EXOC4: variants seen among roughly 807,000 people sequenced by gnomAD.
EXOC4 encodes exocyst complex component 4, also known as SEC8-like 1.
In EXOC4, 71 loss-of-function variants were observed where a neutral mutation model predicts 107.2. The ratio of observed to expected loss-of-function variants is 0.66; its 90% CI spans 0.55 to 0.81. The LOEUF (loss-of-function observed/expected upper bound fraction) is 0.81. EXOC4 is among the 30% of genes least tolerant of loss of function. EXOC4 has a pLI of 0.00. For synonymous variants in EXOC4, 456 were observed against 441.2 expected (o/e 1.03, Z -0.42); for missense variants, 1,108 against 1,189.6 (o/e 0.93, Z 1.01).
chr7:133,573,938 A>G (rs956339503), intron 9 of EXOC4, among the ~76,000 whole-genome samples: 1 of 152,232 alleles, frequency 6.6e-6, no homozygotes, highest in African/African-American at 2.4e-5. Context: ...GTGTAGAGAG[A>G]TTCTTCAGCT....
At chr7:133,932,431 T>C (rs1002511622) in intron 13 of EXOC4, among the ~76,000 whole-genome samples, 5 of 152,186 alleles carry the variant, frequency 3.3e-5, no homozygotes, top group African/African-American at 7.2e-5. Context: ...AATTAACTCT[T>C]TGTTGTTATT....
chr7:133,554,903 G>A (rs1479162478), intron 9 of EXOC4, among the ~76,000 whole-genome samples: 2 of 152,134 alleles, frequency 1.3e-5, no homozygotes, highest in Non-Finnish European at 2.9e-5. Context: ...ATGGATTAAC[G>A]ATTGTAAGAT....
intron 10 of EXOC4, among the ~76,000 whole-genome samples, chr7:133,764,209 C>T (rs1456161740): frequency 2.0e-5 from 3 of 152,060 alleles, no homozygotes; most frequent in South Asian, 2.1e-4. Context: ...CCCACATTCC[C>T]GTCATTTTCA....
intron 11 of EXOC4, among the ~76,000 whole-genome samples, chr7:133,817,846 A>G (rs1227777198): frequency 1.3e-5 from 2 of 152,034 alleles, no homozygotes; most frequent in African/African-American, 2.4e-5. Flanking sequence ...GAAAGGAACT[A>G]TTTTTCCATT....
At chr7:133,271,794 G>A (rs1793877091) in intron 1 of EXOC4, among the ~76,000 whole-genome samples, 1 of 152,150 alleles carries the variant, frequency 6.6e-6, no homozygotes. Flanking sequence ...AGCTCTAGGA[G>A]TTTTGTGTCT....
chr7:133,850,994 C>T (rs1270338841), intron 11 of EXOC4, among the ~76,000 whole-genome samples: 3 of 152,148 alleles, frequency 2.0e-5, no homozygotes, highest in Non-Finnish European at 4.4e-5. Flanking sequence ...CTAGAATTCT[C>T]AACATCCTGG....
chr7:133,744,252 G>A (rs1795628921), intron 10 of EXOC4, among the ~76,000 whole-genome samples: 1 of 151,996 alleles, frequency 6.6e-6, no homozygotes, highest in African/African-American at 2.4e-5. Flanking sequence ...CATTATAGAA[G>A]ACATCTTAGG....
At chr7:133,935,954 G>A (rs1223041425) in intron 13 of EXOC4, among the ~76,000 whole-genome samples, 2 of 152,154 alleles carry the variant, frequency 1.3e-5, no homozygotes, top group African/African-American at 2.4e-5. Flanking sequence ...TTTACCTCCA[G>A]ATAATAATGC....
At chr7:133,658,178 A>G (rs370450297) in intron 10 of EXOC4, among the ~76,000 whole-genome samples, 1 of 152,132 alleles carries the variant, frequency 6.6e-6, no homozygotes, top group African/African-American at 2.4e-5. Context: ...GCGGTAAGAA[A>G]AGAGAGAGAG....
intron 6 of EXOC4, among the ~76,000 whole-genome samples, 186 bp from the exon 7 acceptor site, chr7:133,374,642 T>C (rs1471289897): frequency 6.6e-6 from 1 of 152,200 alleles, no homozygotes; most frequent in Admixed American, 6.5e-5. Context: ...AACTGAGGCT[T>C]AGATAAGTTT....
At chr7:134,003,006 ATGCACACAAAAATG>A (rs1458514245) in intron 15 of EXOC4, among the ~76,000 whole-genome samples, 2 of 152,216 alleles carry the variant, frequency 1.3e-5, no homozygotes, top group Non-Finnish European at 2.9e-5. Context: ...GCAAAGTTAT[ATGCACACAAAAATG>A]TGTACATGAA....
chr7:133,344,607 C>T (rs1190072507), intron 5 of EXOC4, among the ~76,000 whole-genome samples: 1 of 152,150 alleles, frequency 6.6e-6, no homozygotes, highest in Admixed American at 6.5e-5. Context: ...AGCCAAAGGG[C>T]ATTTCTCTCT....
intron 10 of EXOC4, among the ~76,000 whole-genome samples, chr7:133,725,421 G>A (rs1375716487): frequency 6.6e-6 from 1 of 152,120 alleles, no homozygotes; most frequent in Non-Finnish European, 1.5e-5. Flanking sequence ...TATCACCCAG[G>A]CTGGAGTACA....
intron 7 of EXOC4, among the ~76,000 whole-genome samples, chr7:133,400,866 A>G (rs1031471551): frequency 1.1e-4 from 17 of 152,296 alleles, no homozygotes; most frequent in African/African-American, 3.9e-4. Context: ...GATATTTTGG[A>G]AAATGAATTG....
the EXOC4 span, among the ~76,000 whole-genome samples, chr7:134,092,627 G>T: frequency 6.6e-6 from 1 of 152,190 alleles, no homozygotes; most frequent in Non-Finnish European, 1.5e-5. Flanking sequence ...ATGAGCAAAG[G>T]AGAAATAAAA....
chr7:133,969,023 G>C (rs757924592), intron 14 of EXOC4, among the ~76,000 whole-genome samples: 7 of 152,156 alleles, frequency 4.6e-5, no homozygotes, highest in African/African-American at 1.7e-4. Flanking sequence ...ATATTTCTTA[G>C]AGGCTTTGAT....
chr7:133,971,274 T>TAAA (rs142910568), intron 14 of EXOC4, among the ~76,000 whole-genome samples: 1 of 141,994 alleles, frequency 7.0e-6, no homozygotes, highest in Admixed American at 7.4e-5. Context: ...GTTGGTTTTT[T>TAAA]AAAAAAAATA....
chr7:133,846,459 A>G (rs1048764813), intron 11 of EXOC4, among the ~76,000 whole-genome samples: 4 of 152,216 alleles, frequency 2.6e-5, no homozygotes, highest in South Asian at 4.1e-4. Flanking sequence ...CTTGCATGCT[A>G]TGTGGGTGGC....
Position 133,520,151 on chromosome 7 carries a change from C to A in EXOC4, c.1417+40013C>A, listed in dbSNP as rs574445438. Among the ~76,000 whole-genome samples, 3 of 152,004 alleles carry A rather than the reference C, an allele frequency of 2.0e-5. No individual in the cohort carries two copies. In the South Asian group the frequency reaches 6.2e-4, roughly 32 times the overall value. On this transcript the variant is annotated intron_variant, in intron 9 of 17. Coordinates refer to ENST00000253861, the MANE Select transcript of EXOC4 (RefSeq NM_021807.4). ...TAATCCAAACATATAAAATTAAAAGCCAAAAAATTTAATTGAATAATGTTG... is the reference window on the plus strand; with the variant it reads ...TAATCCAAACATATAAAATTAAAAGACAAAAAATTTAATTGAATAATGTTG...
Sources: allele counts gnomAD v4.1 joint callset (sites outside exome capture counted in the v4.1 genomes callset), GRCh38; gene constraint gnomAD v4.1.1; transcripts MANE v1.5; gene names NCBI Gene and HGNC (gene_info 2026-07-23, HGNC 2026-07-21).